PPFIBP1: variants seen among roughly 807,000 people sequenced by gnomAD.
PPFIBP1 encodes PPFIB scaffold protein 1, also known as liprin-beta-1.
Under a neutral mutation model 137.8 loss-of-function variants are expected in PPFIBP1, and 112 were observed. That is an observed-to-expected ratio of 0.81 (90% confidence interval 0.70 to 0.95). The LOEUF (loss-of-function observed/expected upper bound fraction) is 0.95, where lower values mean the gene tolerates loss of function less well. Among genes scored for constraint, PPFIBP1 ranks in the 40% least tolerant of loss-of-function variants. The probability of loss-of-function intolerance (pLI) is 0.00; values close to 1 mark genes in which losing one functional copy is unlikely to be tolerated. For synonymous variants in PPFIBP1, 378 were observed against 417.3 expected (o/e 0.91, Z 1.15); for missense variants, 1,083 against 1,196.6 (o/e 0.91, Z 1.40).
intron 27 of PPFIBP1, among the ~76,000 whole-genome samples, chr12:27,689,893 C>T (rs575492378): frequency 6.6e-6 from 1 of 152,312 alleles, no homozygotes; most frequent in African/African-American, 2.4e-5. Context: ...TTCTTCCCCT[C>T]TTTATCAGCA....
At chr12:27,652,169 T>A (rs540819813) in intron 7 of PPFIBP1, among the ~76,000 whole-genome samples, 165 of 152,366 alleles carry the variant, frequency 1.1e-3, no homozygotes, top group African/African-American at 3.8e-3. Context: ...GAATCCATAA[T>A]ATTTAACTTT....
chr12:27,597,195 T>C (rs2137563664), intron 2 of PPFIBP1, among the ~76,000 whole-genome samples: 1 of 152,164 alleles, frequency 6.6e-6, no homozygotes, highest in South Asian at 2.1e-4. Flanking sequence ...TGAGACAGAG[T>C]CTCGTTCTGT....
At chr12:27,615,347 A>G (rs1363439065) in intron 2 of PPFIBP1, among the ~76,000 whole-genome samples, 1 of 152,220 alleles carries the variant, frequency 6.6e-6, no homozygotes, top group African/African-American at 2.4e-5. Flanking sequence ...GGTAACATCA[A>G]AAAGACCATA....
chr12:27,655,130 G>C, intron 8 of PPFIBP1: 1 of 1,502,068 alleles, frequency 6.7e-7, no homozygotes. Context: ...TCACTCCTCT[G>C]TCTCTCTACC....
At chr12:27,658,901 T>G (rs1329545962) in intron 10 of PPFIBP1, 53 bp downstream of exon 10, 6 of 1,522,172 alleles carry the variant, frequency 3.9e-6, no homozygotes, top group Non-Finnish European at 5.4e-6. Context: ...AATACTACCT[T>G]GGACTGTTCT....
chr12:27,609,280 A>G (rs570122030), intron 2 of PPFIBP1, among the ~76,000 whole-genome samples: 2 of 152,330 alleles, frequency 1.3e-5, no homozygotes, highest in African/African-American at 4.8e-5. Context: ...AACTGTACTC[A>G]TGACGTAAAT....
In PPFIBP1 at chr12:27,550,991, A is replaced by ATATT. The variant is rs375148048; in HGVS notation, c.-124+26627_-124+26628insATTT. Among the ~76,000 whole-genome samples, 178 of 136,708 alleles carry ATATT rather than the reference A, an allele frequency of 1.3e-3. 1 individual carries two copies. The highest frequency in any genetic ancestry group is 4.0e-3 in the East Asian group (20 of 4,956). The allele number at this position is 136,708 out of a possible 152,430, so 89.7% of individuals were successfully genotyped here. On this transcript the variant is annotated intron_variant, in intron 1 of 29. Coordinates refer to ENST00000228425, the MANE Select transcript of PPFIBP1 (RefSeq NM_003622.4). ...GGGCACTAATTTTATATATATATAT[A>ATATT]TTTTTTTTTTTTTAACAAACGTGAA... is the stretch of plus-strand genomic sequence containing the variant.
At chr12:27,662,560 C>T (rs933998877) in intron 11 of PPFIBP1, among the ~76,000 whole-genome samples, 21 of 152,066 alleles carry the variant, frequency 1.4e-4, no homozygotes, top group East Asian at 3.9e-4. Flanking sequence ...GAGAAATTTA[C>T]GGGTTGACAA....
chr12:27,646,033 A>G (rs747957560), intron 4 of PPFIBP1, 29 bp from the exon 5 acceptor site: 1 of 1,465,646 alleles, frequency 6.8e-7, no homozygotes, highest in Admixed American at 1.7e-5. Flanking sequence ...AGAGAAGATC[A>G]GCCTTACCCA....
chr12:27,546,391 T>C (rs73091422), intron 1 of PPFIBP1, among the ~76,000 whole-genome samples: 22,445 of 152,108 alleles, frequency 0.15, 1,943 homozygotes, highest in Middle Eastern at 0.25. Context: ...AATAGTGTGA[T>C]TTTTGAGTTT....
chr12:27,594,039 T>C (rs1232208787), intron 2 of PPFIBP1: 6 of 1,318,762 alleles, frequency 4.5e-6, no homozygotes, highest in Non-Finnish European at 5.9e-6. Flanking sequence ...GAATATGCCA[T>C]GGAGTTCAAA....
intron 1 of PPFIBP1, among the ~76,000 whole-genome samples, chr12:27,558,090 C>T (rs183103908): frequency 3.3e-5 from 5 of 152,230 alleles, no homozygotes; most frequent in East Asian, 1.9e-4. Context: ...TTTCTACATA[C>T]GTGGTTCTTA....
In PPFIBP1 at chr12:27,530,539, A is replaced by G. The variant is rs1321919476; in HGVS notation, c.-124+6174A>G. 2.0e-5 allele frequency among the ~76,000 whole-genome samples: 3 copies of G among 152,348 alleles called. No homozygotes were observed. The East Asian group carries it at 5.8e-4, about 29-fold the overall frequency. ...TTTCTTTTATTGTTTTTCTCTACTA[A>G]GGGAATTTGATTCTCTAGGATGACT... On this transcript the variant is annotated intron_variant, in intron 1 of 29. Coordinates refer to ENST00000228425, the MANE Select transcript of PPFIBP1 (RefSeq NM_003622.4).
intron 3 of PPFIBP1, 72 bp from the exon 4 acceptor site, chr12:27,634,838 T>G (rs2057539012): frequency 7.7e-7 from 1 of 1,302,574 alleles, no homozygotes; most frequent in Non-Finnish European, 1.1e-6. Context: ...TAGACTGGTT[T>G]ACCGCCTTCG....
At chr12:27,535,790 G>A (rs1944932412) in intron 1 of PPFIBP1, among the ~76,000 whole-genome samples, 1 of 152,224 alleles carries the variant, frequency 6.6e-6, no homozygotes, top group African/African-American at 2.4e-5. Flanking sequence ...TATGAGAACA[G>A]TAGAAACACT....
At chr12:27,678,856 C>A (rs1482358093) in intron 19 of PPFIBP1, among the ~76,000 whole-genome samples, 22 of 98,966 alleles carry the variant, frequency 2.2e-4, no homozygotes, top group East Asian at 3.7e-4. Context: ...GACTCTGTCT[C>A]AAAAAAAAAA....
At chr12:27,527,932 G>T (rs892468542) in intron 1 of PPFIBP1, among the ~76,000 whole-genome samples, 5 of 152,044 alleles carry the variant, frequency 3.3e-5, no homozygotes, top group African/African-American at 1.2e-4. Context: ...TTGATGCAGG[G>T]TATTCTTTGC....
intron 1 of PPFIBP1, among the ~76,000 whole-genome samples, chr12:27,556,473 C>T (rs771402698): frequency 4.6e-5 from 7 of 152,014 alleles, no homozygotes; most frequent in African/African-American, 7.3e-5. Context: ...ACTTAGCTTG[C>T]GTTGTTAGTT....
At chr12:27,679,289 A>C (rs2060743497) in intron 19 of PPFIBP1, among the ~76,000 whole-genome samples, 200 bp from the exon 20 acceptor site, 1 of 152,200 alleles carries the variant, frequency 6.6e-6, no homozygotes, top group South Asian at 2.1e-4. Context: ...AGGGCTTGTA[A>C]TTTTATTAAG....
Sources: allele counts gnomAD v4.1 joint callset (sites outside exome capture counted in the v4.1 genomes callset), GRCh38; gene constraint gnomAD v4.1.1; transcripts MANE v1.5; gene names NCBI Gene and HGNC (gene_info 2026-07-23, HGNC 2026-07-21).